Variants in PHF20 observed in about 807,000 individuals in gnomAD.
PHF20 encodes the protein glioma-expressed antigen 2.
A neutral mutation model predicts 113.5 loss-of-function variants in PHF20; 23 were observed. That is an observed-to-expected ratio of 0.20 (90% CI 0.15 to 0.29). The LOEUF (loss-of-function observed/expected upper bound fraction) is 0.29, where lower values mean the gene tolerates loss of function less well. Among genes scored for constraint, PHF20 ranks in the 10% least tolerant of loss-of-function variants. The probability of loss-of-function intolerance (pLI) is 1.00; values close to 1 mark genes in which losing one functional copy is unlikely to be tolerated. For missense variants in PHF20, 943 were observed against 1,219.6 expected (o/e 0.77, Z 3.38); for synonymous variants, 434 against 457.3 (o/e 0.95, Z 0.65).
intron 5 of PHF20, among the ~76,000 whole-genome samples, chr20:35,862,211 TGATA>T (rs1303006546): frequency 6.6e-6 from 1 of 152,216 alleles, no homozygotes; most frequent in Non-Finnish European, 1.5e-5. Flanking sequence ...AGCCTTTACC[TGATA>T]GAGAAAGCAG....
At chr20:35,804,100 AG>A (rs1378362236) in intron 2 of PHF20, among the ~76,000 whole-genome samples, 3 of 151,494 alleles carry the variant, frequency 2.0e-5, no homozygotes, top group Admixed American at 6.6e-5. Context: ...TTTATGATGG[AG>A]TCTAGCTCTG....
chr20:35,852,685 G>A (rs1034871840), intron 4 of PHF20, among the ~76,000 whole-genome samples: 1 of 149,812 alleles, frequency 6.7e-6, no homozygotes, highest in Non-Finnish European at 1.5e-5. Flanking sequence ...TGCAACCTCC[G>A]CCTCCTGGGT....
chr20:35,901,413 TAAAA>T (rs34044539), intron 10 of PHF20, among the ~76,000 whole-genome samples: 2 of 103,056 alleles, frequency 1.9e-5, no homozygotes, highest in Admixed American at 1.1e-4. Context: ...AAACTCTGTC[TAAAA>T]AAAAAAAAAA....
At chr20:35,858,854 T>C (rs1423034739) in intron 5 of PHF20, among the ~76,000 whole-genome samples, 1 of 152,244 alleles carries the variant, frequency 6.6e-6, no homozygotes, top group Non-Finnish European at 1.5e-5. Context: ...ATTACAGGTG[T>C]GAGCCACTGT....
At chr20:35,791,732 G>A (rs2041559412) in intron 1 of PHF20, among the ~76,000 whole-genome samples, 1 of 151,762 alleles carries the variant, frequency 6.6e-6, no homozygotes, top group Non-Finnish European at 1.5e-5. Context: ...ACTGATGCAG[G>A]GCTGAACTGG....
chr20:35,800,441 CA>C (rs934999193), intron 1 of PHF20, among the ~76,000 whole-genome samples: 4 of 151,562 alleles, frequency 2.6e-5, no homozygotes, highest in African/African-American at 9.7e-5. Context: ...AACCAACAAA[CA>C]AAAAAAGAAG....
At chr20:35,861,975 A>G (rs147436840) in intron 5 of PHF20, among the ~76,000 whole-genome samples, 400 of 152,294 alleles carry the variant, frequency 2.6e-3, no homozygotes, top group African/African-American at 9.0e-3. Context: ...GAGGTCCTAG[A>G]AGAGAGATAT....
rs1600819524 is a variant in PHF20 at position 35,847,410 on chromosome 20, A to G, written c.316A>G (p.Lys106Glu). Reference protein sequence around the residue: ...CWSDCRFYPAKVTAVNKDGTY... With the variant: ...CWSDCRFYPAEVTAVNKDGTY... ...GTCTGATTGTCGTTTTTACCCGGCC[A>G]AAGTCACTGCTGTTAACAAGGATGG... Residue 106 changes from lysine to glutamate, a missense_variant, in exon 4 of 18, where the codon AAA (lysine) becomes GAA (glutamate). By Grantham distance (56) the Lys-to-Glu change is moderately conservative. Around this residue, in one of 3 missense-constraint regions of PHF20, gnomAD observed 592 missense variants for 787.2 expected, o/e 0.75. Transcript: ENST00000374012. The G allele has an allele frequency of 6.2e-7, 1 of 1,612,170 alleles. No homozygotes were observed. Among genetic ancestry groups the G allele is most frequent in the Non-Finnish European group, 8.5e-7 (1 of 1,178,502 alleles).
intron 9 of PHF20, chr20:35,878,450 T>C (rs1267843491): frequency 3.8e-6 from 2 of 533,290 alleles, no homozygotes; most frequent in Non-Finnish European, 6.6e-6. Context: ...GTTTAAGCAA[T>C]CACTATGTCG....
rs911632765 is a variant in PHF20 at position 35,917,786 on chromosome 20, A to T, written c.2004+124A>T. On this transcript the variant is annotated intron_variant, in intron 13 of 17. Coordinates refer to ENST00000374012, the MANE Select transcript of PHF20 (RefSeq NM_016436.5). ...AGAAACACAGCACGAACGGCAGCAGACTGAGCTTCTCTTTTTCGTTTGGCT... is the reference window on the plus strand; with the variant it reads ...AGAAACACAGCACGAACGGCAGCAGTCTGAGCTTCTCTTTTTCGTTTGGCT... The T allele has an allele frequency of 1.2e-5, 9 of 779,384 alleles. No homozygotes were observed. In the Admixed American group the frequency reaches 2.6e-4, roughly 22 times the overall value. 48.3% of individuals were successfully genotyped at this position (779,384 alleles called of 1,614,324 possible).
rs554100863 is a variant in PHF20 at position 35,850,296 on chromosome 20, GTTTTTTTTTTT to G, written c.340+2881_340+2891del. ...CTGGGGCTGCTTAGCTTCCCCCTCC[GTTTTTTTTTTT>G]TTTTTTTTTTTTTTTTTTGGTGACA... On this transcript the variant is annotated intron_variant, in intron 4 of 17. Transcript: ENST00000374012. 3.0e-3 allele frequency among the ~76,000 whole-genome samples: 186 copies of G among 62,350 alleles called. 1 individual carries two copies. The highest frequency in any genetic ancestry group is 4.7e-3 in the Non-Finnish European group (142 of 30,364). The allele number at this position is 62,350 out of a possible 152,430, so 40.9% of individuals were successfully genotyped here.
Position 35,891,639 on chromosome 20 carries a change from A to C in PHF20, c.1283-7731A>C, listed in dbSNP as rs1166214051. 2.0e-5 allele frequency among the ~76,000 whole-genome samples: 3 copies of C among 152,260 alleles called. No individual in the cohort carries two copies. In the East Asian group the frequency reaches 5.8e-4, roughly 29 times the overall value. On this transcript the variant is annotated intron_variant, in intron 9 of 17. Transcript: ENST00000374012. ...CCAAATAGAGGGAACCACATGGCCT[A>C]GACTGGCTGAACTGGCAGCCTTTAT...
At chr20:35,820,304 G>A (rs1331288313) in intron 2 of PHF20, among the ~76,000 whole-genome samples, 2 of 152,196 alleles carry the variant, frequency 1.3e-5, no homozygotes, top group Non-Finnish European at 1.5e-5. Flanking sequence ...AGATGCTGGA[G>A]AAATAGTGGT....
chr20:35,875,029 G>A (rs2054493138), intron 9 of PHF20, among the ~76,000 whole-genome samples: 1 of 152,126 alleles, frequency 6.6e-6, no homozygotes, highest in African/African-American at 2.4e-5. Flanking sequence ...GAACCAGGGA[G>A]GTCGAGGCTG....
Position 35,907,903 on chromosome 20 carries a change from T to C in PHF20, c.1562-5346T>C, listed in dbSNP as rs572319655. 7.2e-5 allele frequency among the ~76,000 whole-genome samples: 11 copies of C among 152,352 alleles called. No individual in the cohort carries two copies. In the South Asian group the frequency reaches 2.3e-3, roughly 32 times the overall value. ...TCAGAGGGGTGTTGAAGTCCCCCAC[T>C]AAAATTATGTGACTAAGTCTTTCTT... On this transcript the variant is annotated intron_variant, in intron 10 of 17. Transcript: ENST00000374012.
chr20:35,807,407 C>G (rs543987306), intron 2 of PHF20, among the ~76,000 whole-genome samples: 10 of 141,594 alleles, frequency 7.1e-5, no homozygotes, highest in African/African-American at 2.7e-4. Context: ...GGCTAAAGTG[C>G]AGTAGAGCGA....
intron 2 of PHF20, among the ~76,000 whole-genome samples, chr20:35,840,640 C>G (rs1169445308): frequency 6.6e-6 from 1 of 152,094 alleles, no homozygotes; most frequent in African/African-American, 2.4e-5. Context: ...TAGGCTCTGG[C>G]TTATTGCAGA....
intron 2 of PHF20, among the ~76,000 whole-genome samples, chr20:35,834,132 A>G (rs1436645491): frequency 2.0e-5 from 3 of 151,960 alleles, no homozygotes; most frequent in Non-Finnish European, 4.4e-5. Flanking sequence ...GGCAGGGAAG[A>G]GCAGCAGAAA....
chr20:35,904,423 T>G (rs1346181726), intron 10 of PHF20, among the ~76,000 whole-genome samples: 2 of 151,818 alleles, frequency 1.3e-5, no homozygotes, highest in East Asian at 3.9e-4. Flanking sequence ...TAGCTGGTAT[T>G]ACAGGCATTC....
Sources: allele counts gnomAD v4.1 joint callset (sites outside exome capture counted in the v4.1 genomes callset), GRCh38; gene constraint gnomAD v4.1.1; regional missense constraint gnomAD v4.1.1; transcripts MANE v1.5; gene names NCBI Gene and HGNC (gene_info 2026-07-23, HGNC 2026-07-21).